SH3GL3: variants seen among roughly 807,000 people sequenced by gnomAD.
SH3GL3 encodes SH3 domain containing GRB2 like 3, endophilin A3, also known as endophilin-A3.
In SH3GL3, 33 loss-of-function variants were observed where a neutral mutation model predicts 47.7. The ratio of observed to expected loss-of-function variants is 0.69; its 90% CI spans 0.52 to 0.92. The LOEUF (loss-of-function observed/expected upper bound fraction) is 0.92. Ranked by LOEUF, SH3GL3 falls within the 40% of genes least tolerant of loss-of-function variation. The pLI is 0.00. For synonymous variants in SH3GL3, 155 were observed against 148.8 expected (o/e 1.04, Z -0.30); for missense variants, 363 against 417.8 (o/e 0.87, Z 1.14).
At chr15:83,536,574 T>C (rs1002044103) in intron 1 of SH3GL3, among the ~76,000 whole-genome samples, 2 of 151,930 alleles carry the variant, frequency 1.3e-5, no homozygotes, top group Non-Finnish European at 2.9e-5. Flanking sequence ...GGCTAATTTT[T>C]ATATTTTTAG....
At chr15:83,605,431 C>T (rs1173530924) in intron 8 of SH3GL3, among the ~76,000 whole-genome samples, 1 of 152,062 alleles carries the variant, frequency 6.6e-6, no homozygotes, top group African/African-American at 2.4e-5. Flanking sequence ...ATGATTTGCA[C>T]ATAATGTTTA....
chr15:83,604,104 C>G (rs1347097761), intron 8 of SH3GL3, among the ~76,000 whole-genome samples: 4 of 152,164 alleles, frequency 2.6e-5, no homozygotes, highest in Non-Finnish European at 4.4e-5. Flanking sequence ...CGAGATCGCA[C>G]CATTGCACTC....
chr15:83,574,324 A>G (rs565415589), intron 5 of SH3GL3, among the ~76,000 whole-genome samples: 1 of 152,190 alleles, frequency 6.6e-6, no homozygotes, highest in South Asian at 2.1e-4. Context: ...CCCCACCTGC[A>G]CACCCCTTGG....
At chr15:83,570,212 G>C (rs1353371876) in intron 4 of SH3GL3, among the ~76,000 whole-genome samples, 2 of 151,950 alleles carry the variant, frequency 1.3e-5, no homozygotes, top group African/African-American at 4.8e-5. Context: ...TTCTAATTTT[G>C]TTTTCTAACA....
intron 8 of SH3GL3, among the ~76,000 whole-genome samples, chr15:83,607,137 G>A (rs1448744084): frequency 6.6e-6 from 1 of 152,274 alleles, no homozygotes; most frequent in African/African-American, 2.4e-5. Flanking sequence ...TAACTTAGTT[G>A]TGGGAATTTT....
chr15:83,501,353 A>T (rs1489348425), intron 1 of SH3GL3, among the ~76,000 whole-genome samples: 1 of 148,766 alleles, frequency 6.7e-6, no homozygotes, highest in Non-Finnish European at 1.5e-5. Flanking sequence ...TGATTAGTAC[A>T]TCATAAAAGT....
At chr15:83,571,816 G>C (rs78484672) in intron 4 of SH3GL3, among the ~76,000 whole-genome samples, 208 of 152,308 alleles carry the variant, frequency 1.4e-3, no homozygotes, top group African/African-American at 4.7e-3. Flanking sequence ...TCCCAGGGAT[G>C]TTTTCTAGAG....
chr15:83,501,491 C>T (rs964467990), intron 1 of SH3GL3, among the ~76,000 whole-genome samples: 1 of 152,154 alleles, frequency 6.6e-6, no homozygotes, highest in Non-Finnish European at 1.5e-5. Context: ...TTATTGGCAT[C>T]GCAAGAGGAA....
At chr15:83,494,763 G>A (rs1329497139) in intron 1 of SH3GL3, among the ~76,000 whole-genome samples, 1 of 152,184 alleles carries the variant, frequency 6.6e-6, no homozygotes, top group African/African-American at 2.4e-5. Flanking sequence ...GGCTGGTCTC[G>A]AACTCCTGGC....
intron 1 of SH3GL3, among the ~76,000 whole-genome samples, chr15:83,559,020 T>G (rs973082403): frequency 1.3e-5 from 2 of 152,262 alleles, no homozygotes; most frequent in Non-Finnish European, 2.9e-5. Context: ...GCACTTACCA[T>G]GTGTTTTACA....
rs546604501 is a variant in SH3GL3 at position 83,576,480 on chromosome 15, A to T, written c.466-103A>T. 4.5e-6 allele frequency: 5 copies of T among 1,113,026 alleles called. No individual in the cohort carries two copies. The South Asian group carries it at 5.2e-5, about 12-fold the overall frequency. The allele number at this position is 1,113,026 out of a possible 1,614,324, so 68.9% of individuals were successfully genotyped here. On this transcript the variant is annotated intron_variant, in intron 5 of 8. Coordinates refer to ENST00000427482, the MANE Select transcript of SH3GL3 (RefSeq NM_003027.5). ...TGTAAGGTGGGTTCCTGCCCTCTGGAATCTAGGCCGAGAAAAAGCAATGAC... is the reference window on the plus strand; with the variant it reads ...TGTAAGGTGGGTTCCTGCCCTCTGGTATCTAGGCCGAGAAAAAGCAATGAC...
At chr15:83,465,571 A>C (rs1003879474) in intron 1 of SH3GL3, among the ~76,000 whole-genome samples, 1 of 151,842 alleles carries the variant, frequency 6.6e-6, no homozygotes, top group Non-Finnish European at 1.5e-5. Flanking sequence ...TTAGCCTAGC[A>C]TGCTTTTCCC....
In SH3GL3 at chr15:83,492,821, C is replaced by G. The variant is rs79796643; in HGVS notation, c.45+45243C>G. Among the ~76,000 whole-genome samples, 725 of 152,344 alleles carry G rather than the reference C, an allele frequency of 4.8e-3. 4 individuals are homozygous for G. Among genetic ancestry groups the G allele is most frequent in the African/African-American group, 0.016 (646 of 41,566 alleles). On this transcript the variant is annotated intron_variant, in intron 1 of 8. Coordinates refer to ENST00000427482, the MANE Select transcript of SH3GL3 (RefSeq NM_003027.5). ...TCATTTGCCCCCAGCAGTAACGAACCCTTTGTTGGTGGTCCTCCCACTGTC... is the reference window on the plus strand; with the variant it reads ...TCATTTGCCCCCAGCAGTAACGAACGCTTTGTTGGTGGTCCTCCCACTGTC...
intron 8 of SH3GL3, among the ~76,000 whole-genome samples, chr15:83,616,186 T>C (rs1379824160): frequency 6.6e-6 from 1 of 151,662 alleles, no homozygotes; most frequent in Non-Finnish European, 1.5e-5. Flanking sequence ...AAAATAGTGA[T>C]ATTAGGTTGG....
intron 1 of SH3GL3, among the ~76,000 whole-genome samples, chr15:83,504,323 G>C (rs1177003671): frequency 6.6e-6 from 1 of 152,168 alleles, no homozygotes; most frequent in Non-Finnish European, 1.5e-5. Context: ...CAACTTTCTA[G>C]AAGAAGCCAC....
chr15:83,524,857 G>T (rs2043348648), intron 1 of SH3GL3, among the ~76,000 whole-genome samples: 1 of 151,880 alleles, frequency 6.6e-6, no homozygotes, highest in Non-Finnish European at 1.5e-5. Flanking sequence ...TCTTTTTTAT[G>T]GTTGAATAGT....
At chr15:83,533,688 T>C (rs147173843) in intron 1 of SH3GL3, among the ~76,000 whole-genome samples, 2 of 152,168 alleles carry the variant, frequency 1.3e-5, no homozygotes, top group Non-Finnish European at 2.9e-5. Context: ...TCCCTTTGAG[T>C]CTCTTACCCC....
chr15:83,582,662 G>T (rs1325484934), intron 6 of SH3GL3, among the ~76,000 whole-genome samples: 1 of 152,086 alleles, frequency 6.6e-6, no homozygotes. Flanking sequence ...TAATGTTTCA[G>T]GACTGTAATG....
intron 8 of SH3GL3, among the ~76,000 whole-genome samples, chr15:83,605,949 G>C (rs913937532): frequency 6.6e-6 from 1 of 152,140 alleles, no homozygotes; most frequent in Non-Finnish European, 1.5e-5. Context: ...TTCCCCACTT[G>C]TGGGGAATTT....
Sources: gnomAD v4.1 joint callset for allele counts (sites outside exome capture counted in the v4.1 genomes callset) on GRCh38, gnomAD v4.1.1 for gene constraint, MANE v1.5 for transcripts, NCBI Gene and HGNC (gene_info 2026-07-23, HGNC 2026-07-21) for gene names.